Variants in EOMES observed in about 807,000 individuals in gnomAD.
EOMES encodes eomesodermin, also known as eomesodermin homolog.
In EOMES, 18 loss-of-function variants were observed where a neutral mutation model predicts 61.0. That is an observed-to-expected ratio of 0.30 (90% CI 0.20 to 0.44). EOMES has a LOEUF of 0.44. Among genes scored for constraint, EOMES ranks in the 20% least tolerant of loss-of-function variants. EOMES has a pLI of 1.00. For missense variants in EOMES, 885 were observed against 939.2 expected (o/e 0.94, Z 0.75); for synonymous variants, 430 against 394.0 (o/e 1.09, Z -1.08).
In EOMES at chr3:27,717,581, C is replaced by T. The variant is rs976906764; in HGVS notation, c.1607G>A (p.Arg536Gln). The change falls in exon 6 of 6, where the codon CGG becomes CAG. Residue 536 changes from arginine (R) to glutamine (Q), a missense_variant. By Grantham distance (43) the Arg-to-Gln change is conservative (BLOSUM62 1). Around this residue, in one of 3 missense-constraint regions of EOMES, gnomAD observed 259 missense variants for 282.3 expected, o/e 0.92. Coordinates refer to ENST00000449599, the MANE Select transcript of EOMES (RefSeq NM_001278182.2). The surrounding 1 kb of genome is among the most constrained non-coding windows in gnomAD (Gnocchi z 4.5). ...TTGCTGGACAGGCGTGACAAGCCACCGCTGGGGAGGGTTGGCCACCTCTTC... is the reference window on the plus strand; with the variant it reads ...TTGCTGGACAGGCGTGACAAGCCACTGCTGGGGAGGGTTGGCCACCTCTTC... ...QSEEVANPPQ[R>Q]WLVTPVQQPG... The T allele has an allele frequency of 8.7e-6, 14 of 1,614,006 alleles. No homozygotes were observed. The highest frequency in any genetic ancestry group is 5.3e-5 in the African/African-American group (4 of 74,890).
Position 27,721,931 on chromosome 3 carries a change from C to CGAA in EOMES, c.363_364insTTC (p.Ala121_Ala122insPhe). 1 of 1,369,494 alleles carries CGAA rather than the reference C, an allele frequency of 7.3e-7. No homozygotes were observed. The highest frequency in any genetic ancestry group is 9.3e-7 in the Non-Finnish European group (1 of 1,074,078). 84.8% of individuals were successfully genotyped at this position (1,369,494 alleles called of 1,614,324 possible). A position where few individuals can be genotyped will look rare whatever the true frequency, so the allele number is the denominator to read the frequency against. On this transcript the variant is annotated inframe_insertion, in exon 1 of 6. Transcript: ENST00000449599. This position sits in a 1 kb window ranked among gnomAD's most constrained non-coding sequence, Gnocchi z 7.4. Reference sequence around the variant, plus strand: ...GCCGCAGCCGCGGCGGCGGCGGCGGCGGCGGCTGCAGCGGCGGAGGGCAGC... The same window carrying CGAA: ...GCCGCAGCCGCGGCGGCGGCGGCGGCGAAGGCGGCTGCAGCGGCGGAGGGCAGC...
chr3:27,721,100 G>A lies in EOMES; in HGVS notation c.881+314C>T, dbSNP rs1253253362. On this transcript the variant is annotated intron_variant, in intron 1 of 5. Transcript: ENST00000449599. This position sits in a 1 kb window ranked among gnomAD's most constrained non-coding sequence, Gnocchi z 7.4. ...TGCACAAGCATACCGCCGAGCAGGA[G>A]GATCTAACGAATCCAGCTTGTGGAC... Among the ~76,000 whole-genome samples, 3 of 152,308 alleles carry A rather than the reference G, an allele frequency of 2.0e-5. No homozygotes were observed. Among genetic ancestry groups the A allele is most frequent in the East Asian group, 1.9e-4 (1 of 5,170 alleles).
Position 27,717,736 on chromosome 3 carries a change from G to A in EOMES, c.1452C>T (p.Val484=), listed in dbSNP as rs775889590. ...ATTGAACGCCGTACCGACCTCCAGG[G>A]ACAATCTGATGGGATCTAGGAGAAT... The part of the protein sequence containing the change: ...PTDSPRSHQI[V]PGGRYGVQSF... Residue 484 remains valine, a synonymous_variant, in exon 6 of 6, where the codon GTC becomes GTT. Coordinates refer to ENST00000449599, the MANE Select transcript of EOMES (RefSeq NM_001278182.2). The surrounding 1 kb of genome is among the most constrained non-coding windows in gnomAD (Gnocchi z 4.5). The A allele has an allele frequency of 1.2e-6, 2 of 1,613,626 alleles. No individual in the cohort carries two copies. The highest frequency in any genetic ancestry group is 1.1e-5 in the South Asian group (1 of 91,066).
intron 1 of EOMES, 33 bp from the exon 2 acceptor site, chr3:27,720,358 T>C: frequency 3.7e-6 from 6 of 1,604,998 alleles, no homozygotes; most frequent in Non-Finnish European, 5.1e-6. Flanking sequence ...AAAAATCGAT[T>C]TTAATTGGGA....
rs1299324117 is a variant in EOMES, at chr3:27,722,091, G to C, written c.204C>G (p.Pro68=). The C allele has an allele frequency of 1.3e-6, 2 of 1,548,320 alleles. No homozygotes were observed. The highest frequency in any genetic ancestry group is 2.0e-5 in the Admixed American group (1 of 50,870). Residue 68 remains proline (P), a synonymous_variant, in exon 1 of 6, where the codon CCC becomes CCG. Coordinates refer to ENST00000449599, the MANE Select transcript of EOMES (RefSeq NM_001278182.2). Reference sequence around the variant, plus strand: ...CGGGGGCCCCTGCGCTGGCGGCTGCGGGCTCCCCGCTCACCGCCTCGCAGG... The same window carrying C: ...CGGGGGCCCCTGCGCTGGCGGCTGCCGGCTCCCCGCTCACCGCCTCGCAGG... The part of the protein sequence containing the change: ...SLSCEAVSGE[P]AAASAGAPAA...
Position 27,720,230 on chromosome 3 carries a change from T to C in EOMES, c.977A>G (p.His326Arg). 1 of 1,612,462 alleles carries C rather than the reference T, an allele frequency of 6.2e-7. No individual in the cohort carries two copies. The highest frequency in any genetic ancestry group is 8.5e-7 in the Non-Finnish European group (1 of 1,179,288). The change falls in exon 2 of 6, where the codon CAC becomes CGC. Residue 326 changes from histidine (H) to arginine (R), a missense_variant. By Grantham distance (29) the His-to-Arg change is conservative. Coordinates refer to ENST00000449599, the MANE Select transcript of EOMES (RefSeq NM_001278182.2). ...FVEVVLADPN[H>R]WRFQGGKWVT... ...CCATTTGCCCCCCTGGAAGCGCCAGTGGTTGGGGTCCGCCAGCACCACCTC... is the reference window on the plus strand; with the variant it reads ...CCATTTGCCCCCCTGGAAGCGCCAGCGGTTGGGGTCCGCCAGCACCACCTC...
Position 27,717,555 on chromosome 3 carries a change from G to T in EOMES, c.1633C>A (p.Pro545Thr). Reference sequence around the variant, plus strand: ...CTGATGTCTAGTTTGTTGGTCCCAGGTTGCTGGACAGGCGTGACAAGCCAC... The same window carrying T: ...CTGATGTCTAGTTTGTTGGTCCCAGTTTGCTGGACAGGCGTGACAAGCCAC... ...QRWLVTPVQQ[P>T]GTNKLDISSY... The change falls in exon 6 of 6, where the codon CCT becomes ACT. Residue 545 changes from proline (P) to threonine (T), a missense_variant. Around this residue, in one of 3 missense-constraint regions of EOMES, gnomAD observed 259 missense variants for 282.3 expected, o/e 0.92. Transcript: ENST00000449599. The surrounding 1 kb of genome is among the most constrained non-coding windows in gnomAD (Gnocchi z 4.5). 6.2e-7 allele frequency: 1 copy of T among 1,614,216 alleles called. No individual in the cohort carries two copies. Among genetic ancestry groups the T allele is most frequent in the Non-Finnish European group, 8.5e-7 (1 of 1,180,032 alleles).
At chr3:27,720,934 G>A (rs893810303) in intron 1 of EOMES, among the ~76,000 whole-genome samples, 1 of 152,104 alleles carries the variant, frequency 6.6e-6, no homozygotes, top group Non-Finnish European at 1.5e-5. Context: ...TTCCGAGGCC[G>A]GCGCTCTAGC....
chr3:27,722,101 C>T lies in EOMES; in HGVS notation c.194G>A (p.Ser65Asn). ...FSGSLSCEAV[S>N]GEPAAASAGA... is the part of the protein sequence containing the mutation. Reference sequence around the variant, plus strand: ...TGCGCTGGCGGCTGCGGGCTCCCCGCTCACCGCCTCGCAGGAGAGACTGCC... The same window carrying T: ...TGCGCTGGCGGCTGCGGGCTCCCCGTTCACCGCCTCGCAGGAGAGACTGCC... Residue 65 changes from serine to asparagine, a missense_variant, in exon 1 of 6, where the codon AGC (serine) becomes AAC (asparagine). Ser to Asn is a conservative substitution (Grantham distance 46). Around this residue, in one of 3 missense-constraint regions of EOMES, gnomAD observed 449 missense variants for 383.6 expected, o/e 1.17. Transcript: ENST00000449599. The T allele has an allele frequency of 6.5e-7, 1 of 1,549,014 alleles. No individual in the cohort carries two copies. The highest frequency in any genetic ancestry group is 1.2e-5 in the South Asian group (1 of 83,962).
Position 27,722,159 on chromosome 3 carries a change from A to G in EOMES, c.136T>C (p.Leu46=), listed in dbSNP as rs749971876. Residue 46 remains leucine (L), a synonymous_variant, in exon 1 of 6, where the codon TTG becomes CTG. Transcript: ENST00000449599. Reference sequence around the variant, plus strand: ...TTCTTGGACGCTTTGTCTAAGTCCAACTTCTGAGGAGAGGGGGCCGCGCTG... The same window carrying G: ...TTCTTGGACGCTTTGTCTAAGTCCAGCTTCTGAGGAGAGGGGGCCGCGCTG... ...LPSAAPSPQK[L]DLDKASKKFS... is the part of the protein sequence containing the mutation. The G allele has an allele frequency of 8.2e-6, 13 of 1,578,640 alleles. No homozygotes were observed. Among genetic ancestry groups the G allele is most frequent in the African/African-American group, 5.4e-5 (4 of 74,340 alleles).
rs2060574149 is a variant in EOMES at position 27,717,115 on chromosome 3, G to A, written c.2073C>T (p.Thr691=). Residue 691 remains threonine, a synonymous_variant, in exon 6 of 6, where the codon ACC becomes ACT. Transcript: ENST00000449599. This position sits in a 1 kb window ranked among gnomAD's most constrained non-coding sequence, Gnocchi z 4.5. ...CATAATACCCTCCCATGCCTTTTGA[G>A]GTGTCTTTACTATACTCTTCAGCAT... ...DINAEEYSKD[T]SKGMGGYYAF... The A allele has an allele frequency of 3.1e-6, 5 of 1,611,962 alleles. No homozygotes were observed. The Admixed American group carries it at 6.7e-5, about 21-fold the overall frequency.
Position 27,720,174 on chromosome 3 carries a change from G to T in EOMES, c.1033C>A (p.Gln345Lys), listed in dbSNP as rs142489745. ...VTCGKADNNM[Q>K]GNKMYVHPES... is the part of the protein sequence containing the mutation. ...CCCGAGCCTCTTCTCTGCTCACCCT[G>T]CATGTTATTGTCGGCTTTGCCACAG... Residue 345 changes from glutamine (Q) to lysine (K), a missense_variant, in exon 2 of 6, where the codon CAG (glutamine) becomes AAG (lysine). Gln to Lys is a moderately conservative substitution (Grantham distance 53, BLOSUM62 1). Coordinates refer to ENST00000449599, the MANE Select transcript of EOMES (RefSeq NM_001278182.2). 9.7e-5 allele frequency: 154 copies of T among 1,587,622 alleles called. 1 individual carries two copies. Among genetic ancestry groups the T allele is most frequent in the Non-Finnish European group, 1.1e-4 (132 of 1,167,712 alleles).
At chr3:27,722,498 A>T, upstream of EOMES, 2 of 1,352,016 alleles carry the variant, frequency 1.5e-6, no homozygotes, top group East Asian at 6.2e-5. Flanking sequence ...CCGGAAGGAA[A>T]GCGCCGTGAG....
At position 27,720,033 on chromosome 3, in the gene EOMES, A is replaced by G. The variant is rs560583836; in HGVS notation, c.1036+138T>C. On this transcript the variant is annotated intron_variant, in intron 2 of 5. Coordinates refer to ENST00000449599, the MANE Select transcript of EOMES (RefSeq NM_001278182.2). ...TCTCCGTCAAACAAGCAACTCAAAG[A>G]CACTCATACTAACACCTCTAGGCCT... The G allele has an allele frequency of 7.0e-5, 52 of 745,422 alleles. No individual in the cohort carries two copies. The East Asian group carries it at 1.4e-3, about 20-fold the overall frequency. The allele number at this position is 745,422 out of a possible 1,614,324, so 46.2% of individuals were successfully genotyped here.
At chr3:27,722,481 G>C (rs912716991), upstream of EOMES, 10 of 1,350,690 alleles carry the variant, frequency 7.4e-6, no homozygotes, top group Non-Finnish European at 8.5e-6. Context: ...TGAATCCAGC[G>C]TCCTTTCCGG....
In EOMES at chr3:27,718,672, A is replaced by T. The variant is rs770394055; in HGVS notation, c.1318-24T>A. ...ATCTAGATAGGGGAGAAAAACAGTC[A>T]TTGAGTGATTTATCATGCTGGACCT... is the stretch of plus-strand genomic sequence containing the variant. On this transcript the variant is annotated intron_variant, in intron 4 of 5. Transcript: ENST00000449599. The T allele has an allele frequency of 6.8e-6, 11 of 1,612,962 alleles. No homozygotes were observed. The South Asian group carries it at 1.1e-4, about 16-fold the overall frequency.
intron 3 of EOMES, among the ~76,000 whole-genome samples, 160 bp from the exon 4 acceptor site, chr3:27,719,053 C>A (rs2060590845): frequency 6.6e-6 from 1 of 151,862 alleles, no homozygotes; most frequent in South Asian, 2.1e-4. Context: ...TATTGCCCCC[C>A]CCCTTTTTTT....
In EOMES at chr3:27,718,741, G is replaced by A. The variant is rs746595122; in HGVS notation, c.1311C>T (p.Asn437=). ...AGATGTCTGGGACACTCACATCGGT[G>A]TTTTGGTAGGCAGTCACTGCAATGA... ...TQFIAVTAYQ[N]TDITQLKIDH... is the part of the protein sequence containing the mutation. The change falls in exon 4 of 6, where the codon AAC becomes AAT. Residue 437 remains asparagine (N), a synonymous_variant. Coordinates refer to ENST00000449599, the MANE Select transcript of EOMES (RefSeq NM_001278182.2). 1.2e-6 allele frequency: 2 copies of A among 1,614,194 alleles called. 1 individual carries two copies. Among genetic ancestry groups the A allele is most frequent in the South Asian group, 2.2e-5 (2 of 91,086 alleles).
rs1183554264 is a variant in EOMES at position 27,717,380 on chromosome 3, T to C, written c.1808A>G (p.Lys603Arg). The stretch of plus-strand genomic sequence containing the variant: ...GGTCCATGGTAGTCCAGCTGCCATC[T>C]TCCTCTGGTAAGAACCTCGACCTCC... ...GWGGRGSYQR[K>R]MAAGLPWTSR... Residue 603 changes from lysine (K) to arginine (R), a missense_variant, in exon 6 of 6, where the codon AAG (lysine) becomes AGG (arginine). By Grantham distance (26) the Lys-to-Arg change is conservative. Coordinates refer to ENST00000449599, the MANE Select transcript of EOMES (RefSeq NM_001278182.2). The surrounding 1 kb of genome is among the most constrained non-coding windows in gnomAD (Gnocchi z 4.5). The C allele has an allele frequency of 6.2e-7, 1 of 1,614,070 alleles. No homozygotes were observed. Among genetic ancestry groups the C allele is most frequent in the African/African-American group, 1.3e-5 (1 of 74,940 alleles).
Sources: gnomAD v4.1 joint callset for allele counts (sites outside exome capture counted in the v4.1 genomes callset) on GRCh38, gnomAD v4.1.1 for gene constraint, gnomAD v4.1.1 regional missense constraint, Gnocchi (gnomAD v3.1) non-coding constraint, MANE v1.5 for transcripts, NCBI Gene and HGNC (gene_info 2026-07-23, HGNC 2026-07-21) for gene names.